WDR70: variants seen among roughly 807,000 people sequenced by gnomAD.
WDR70 encodes the protein WD repeat-containing protein 70.
Under a neutral mutation model 88.6 loss-of-function variants are expected in WDR70, and 53 were observed. The ratio of observed to expected loss-of-function variants is 0.60; its 90% CI spans 0.48 to 0.75. The LOEUF (loss-of-function observed/expected upper bound fraction) is 0.75, where lower values mean the gene tolerates loss of function less well. WDR70 is among the 30% of genes least tolerant of loss of function. The pLI, the probability that WDR70 is intolerant of heterozygous loss-of-function variation, is 0.00. For synonymous variants in WDR70, 280 were observed against 270.0 expected (o/e 1.04, Z -0.36); for missense variants, 610 against 823.2 (o/e 0.74, Z 3.17).
At chr5:37,527,997 G>T (rs1365277224) in intron 9 of WDR70, among the ~76,000 whole-genome samples, 1 of 152,194 alleles carries the variant, frequency 6.6e-6, no homozygotes, top group East Asian at 1.9e-4. Context: ...TGGAGAGGAT[G>T]TGGAGAAATA....
At chr5:37,722,976 A>C in intron 15 of WDR70, 42 bp downstream of exon 15, 1 of 1,605,244 alleles carries the variant, frequency 6.2e-7, no homozygotes, top group Non-Finnish European at 8.5e-7. Context: ...TCTCTCTTCT[A>C]CTCTCATGTG....
rs139511389 is a variant in WDR70 at position 37,560,134 on chromosome 5, G to A, written c.917+43544G>A. The stretch of plus-strand genomic sequence containing the variant: ...GAGAGTACTTAAAACCAAGAAAAGC[G>A]AATAATTGTTTCCATTTAGCCTGAA... On this transcript the variant is annotated intron_variant, in intron 9 of 17. Coordinates refer to ENST00000265107, the MANE Select transcript of WDR70 (RefSeq NM_018034.4). 7.9e-3 allele frequency among the ~76,000 whole-genome samples: 1,206 copies of A among 152,146 alleles called. 15 individuals are homozygous for A. The highest frequency in any genetic ancestry group is 0.028 in the African/African-American group (1,142 of 41,508).
At chr5:37,727,309 T>C (rs1280879988) in intron 17 of WDR70, among the ~76,000 whole-genome samples, 3 of 152,164 alleles carry the variant, frequency 2.0e-5, no homozygotes, top group African/African-American at 7.2e-5. Flanking sequence ...TGCCCATGAT[T>C]AAAACAAACA....
At chr5:37,651,209 G>A (rs565332838) in intron 10 of WDR70, among the ~76,000 whole-genome samples, 22 of 152,046 alleles carry the variant, frequency 1.4e-4, no homozygotes, top group African/African-American at 2.4e-4. Flanking sequence ...GAGAACATGC[G>A]GTGTTTGGTT....
Position 37,752,474 on chromosome 5 carries a change from C to T in WDR70, c.1878-12C>T. The T allele has an allele frequency of 6.3e-7, 1 of 1,596,400 alleles. No individual in the cohort carries two copies. Among genetic ancestry groups the T allele is most frequent in the South Asian group, 1.1e-5 (1 of 87,754 alleles). ...CTAAATTTTTCCTTCTCTTCTTTAA[C>T]TTTTCTTTTAGGACTCAGCCCAAAA... On this transcript the variant is annotated splice_polypyrimidine_tract_variant and intron_variant, in intron 17 of 17. Transcript: ENST00000265107.
intron 9 of WDR70, among the ~76,000 whole-genome samples, chr5:37,557,566 T>C (rs1742328933): frequency 6.6e-6 from 1 of 152,130 alleles, no homozygotes; most frequent in Non-Finnish European, 1.5e-5. Context: ...TCTTCCTCAC[T>C]TGGTTTTTGT....
At chr5:37,506,890 A>G in intron 8 of WDR70, 1 of 1,068,674 alleles carries the variant, frequency 9.4e-7, no homozygotes, top group Non-Finnish European at 1.5e-6. Context: ...TGAGTGAGCC[A>G]CCACCCTCCC....
intron 9 of WDR70, among the ~76,000 whole-genome samples, chr5:37,563,576 TCCCGGACGGGCGGC>T (rs1742614875): frequency 4.6e-5 from 2 of 43,360 alleles, no homozygotes; most frequent in Admixed American, 2.9e-4. Flanking sequence ...CCCACCTCCC[TCCCGGACGGGCGGC>T]TGGCCGGGCG....
chr5:37,580,815 T>G (rs1471051604), intron 9 of WDR70, among the ~76,000 whole-genome samples: 2 of 152,246 alleles, frequency 1.3e-5, no homozygotes, highest in Non-Finnish European at 2.9e-5. Flanking sequence ...AAAACAGCAC[T>G]ATTTATTTTT....
chr5:37,562,592 C>T (rs889186224), intron 9 of WDR70, among the ~76,000 whole-genome samples: 22 of 152,262 alleles, frequency 1.4e-4, no homozygotes, highest in African/African-American at 4.3e-4. Flanking sequence ...TGCGGCCTTC[C>T]GGCCTTCCGC....
At chr5:37,736,133 G>C (rs752320540) in intron 17 of WDR70, among the ~76,000 whole-genome samples, 4 of 152,324 alleles carry the variant, frequency 2.6e-5, no homozygotes, top group Non-Finnish European at 4.4e-5. Flanking sequence ...GAATGGGCAG[G>C]ATGTAGATCC....
intron 8 of WDR70, among the ~76,000 whole-genome samples, chr5:37,483,108 T>G (rs1172057018): frequency 6.6e-6 from 1 of 151,152 alleles, no homozygotes; most frequent in African/African-American, 2.4e-5. Context: ...TCAGTTTTTT[T>G]TTTTTTTTTT....
chr5:37,436,543 A>G (rs927113397), intron 5 of WDR70, among the ~76,000 whole-genome samples: 1 of 152,170 alleles, frequency 6.6e-6, no homozygotes, highest in Non-Finnish European at 1.5e-5. Flanking sequence ...TAAAGTGTGC[A>G]GAGGGATTTA....
chr5:37,499,963 T>G (rs1435561644), intron 8 of WDR70, among the ~76,000 whole-genome samples: 1 of 152,234 alleles, frequency 6.6e-6, no homozygotes, highest in African/African-American at 2.4e-5. Flanking sequence ...AAAATTTCAA[T>G]AGCTTTTGGG....
In WDR70 at chr5:37,621,810, A is replaced by G. The variant is rs558914247; in HGVS notation, c.1092+16572A>G. Among the ~76,000 whole-genome samples the G allele has an allele frequency of 1.2e-4, 19 of 152,304 alleles. 1 individual carries two copies. In the South Asian group the frequency reaches 3.5e-3, roughly 28 times the overall value. ...AGCCATGAAGTCCTTGCCCATGCCT[A>G]TGTCCTGAATGGTATTGCCTAGGTT... On this transcript the variant is annotated intron_variant, in intron 10 of 17. Transcript: ENST00000265107.
intron 8 of WDR70, among the ~76,000 whole-genome samples, chr5:37,488,124 A>T: frequency 5.5e-5 from 6 of 109,242 alleles, no homozygotes; most frequent in Middle Eastern, 8.8e-3. Context: ...ATATCATTTC[A>T]TTCTCTTCTG....
At position 37,636,548 on chromosome 5, in the gene WDR70, T is replaced by TA. The variant is rs562264640; in HGVS notation, c.1092+31311dup. 2.0e-4 allele frequency among the ~76,000 whole-genome samples: 30 copies of TA among 152,324 alleles called. No individual in the cohort carries two copies. In the South Asian group the frequency reaches 5.8e-3, roughly 29 times the overall value. ...CTTTACACTGAAGAAACCTGCCAGA[T>TA]ACCACCTTAACAGAGACATTAAAGA... On this transcript the variant is annotated intron_variant, in intron 10 of 17. Transcript: ENST00000265107.
chr5:37,524,171 A>G (rs1379124720), intron 9 of WDR70, among the ~76,000 whole-genome samples: 2 of 152,224 alleles, frequency 1.3e-5, no homozygotes, highest in African/African-American at 2.4e-5. Flanking sequence ...TCCAAGACAC[A>G]TAATTGTCAG....
intron 3 of WDR70, among the ~76,000 whole-genome samples, chr5:37,386,854 T>A (rs1748632950): frequency 6.6e-6 from 1 of 152,070 alleles, no homozygotes; most frequent in Non-Finnish European, 1.5e-5. Flanking sequence ...TCCCAGCACT[T>A]TGGGAGCCTG....
Sources: allele counts gnomAD v4.1 joint callset (sites outside exome capture counted in the v4.1 genomes callset), GRCh38; gene constraint gnomAD v4.1.1; transcripts MANE v1.5; gene names NCBI Gene and HGNC (gene_info 2026-07-23, HGNC 2026-07-21).